The following ZNRF1 variants were observed in gnomAD, a reference collection of about 807,000 sequenced individuals.
ZNRF1 encodes E3 ubiquitin-protein ligase ZNRF1.
Under a neutral mutation model 18.4 loss-of-function variants are expected in ZNRF1, and 3 were observed. The observed-to-expected ratio is 0.16, with a 90% CI of 0.07 to 0.42. ZNRF1 has a LOEUF of 0.42. Among genes scored for constraint, ZNRF1 ranks in the 10% least tolerant of loss-of-function variants. The pLI, the probability that ZNRF1 is intolerant of heterozygous loss-of-function variation, is 0.99. For missense variants in ZNRF1, 310 were observed against 329.8 expected, an observed-to-expected ratio of 0.94 and a Z score of 0.47; for synonymous variants, 157 against 144.2, an observed-to-expected ratio of 1.09 and a Z score of -0.64.
intron 1 of ZNRF1, among the ~76,000 whole-genome samples, chr16:75,049,554 T>G (rs2035562703): frequency 6.6e-6 from 1 of 152,062 alleles, no homozygotes; most frequent in Non-Finnish European, 1.5e-5. Flanking sequence ...CCTAACACTT[T>G]GGGAGGCTGA....
chr16:75,010,920 G>A lies in ZNRF1; in HGVS notation c.424+10825G>A, dbSNP rs1288890412. On this transcript the variant is annotated intron_variant, in intron 1 of 4. Coordinates refer to ENST00000335325, the MANE Select transcript of ZNRF1 (RefSeq NM_032268.5). ...AGATGGGGTTTCGCCAATTGGCCAG[G>A]CTGGTCTTGAACTCCTGACCTCAAG... is the stretch of plus-strand genomic sequence containing the variant. Among the ~76,000 whole-genome samples, 3 of 152,108 alleles carry A rather than the reference G, an allele frequency of 2.0e-5. No homozygotes were observed. The East Asian group carries it at 5.8e-4, about 30-fold the overall frequency.
intron 1 of ZNRF1, among the ~76,000 whole-genome samples, chr16:75,044,360 A>G (rs947214315): frequency 2.6e-5 from 4 of 151,212 alleles, no homozygotes; most frequent in African/African-American, 7.3e-5. Context: ...CTAGGACTAT[A>G]GGCATACAGG....
chr16:75,032,102 AG>A (rs1163628910), intron 1 of ZNRF1, among the ~76,000 whole-genome samples: 1 of 118,770 alleles, frequency 8.4e-6, no homozygotes, highest in African/African-American at 3.5e-5. Context: ...TTTTCTTGTG[AG>A]GTTTTTTTTT....
chr16:75,059,229 C>CTTTTTTTTTTTTTTCTTTTTTTTTT (rs2035709085), intron 1 of ZNRF1, among the ~76,000 whole-genome samples: 10 of 92,882 alleles, frequency 1.1e-4, no homozygotes, highest in Non-Finnish European at 1.6e-4. Flanking sequence ...TTCTTTCTTT[C>CTTTTTTTTTTTTTTCTTTTTTTTTT]TTTTTTTTTT....
intron 1 of ZNRF1, among the ~76,000 whole-genome samples, chr16:75,028,094 T>G (rs1399600348): frequency 6.6e-6 from 1 of 152,138 alleles, no homozygotes; most frequent in African/African-American, 2.4e-5. Context: ...GCAAACAAAA[T>G]TTCATTCCCA....
chr16:75,061,260 A>G (rs2035740324), intron 1 of ZNRF1, among the ~76,000 whole-genome samples: 1 of 151,934 alleles, frequency 6.6e-6, no homozygotes, highest in South Asian at 2.1e-4. Flanking sequence ...CATTTTTTCT[A>G]TTATTTTGCA....
chr16:75,033,418 T>G (rs1194102263), intron 1 of ZNRF1, among the ~76,000 whole-genome samples: 1 of 150,360 alleles, frequency 6.7e-6, no homozygotes. Flanking sequence ...TATTTAATTT[T>G]TCTCATCAGT....
At chr16:75,000,423 C>T (rs1342427644) in intron 1 of ZNRF1, 1 of 514,840 alleles carries the variant, frequency 1.9e-6, no homozygotes, top group Admixed American at 2.4e-5. Flanking sequence ...AGCCTGGGTA[C>T]TTCCATTCTG....
At chr16:75,094,126 C>T (rs1420538270) in intron 2 of ZNRF1, among the ~76,000 whole-genome samples, 4 of 152,162 alleles carry the variant, frequency 2.6e-5, no homozygotes, top group Non-Finnish European at 4.4e-5. Context: ...GGAAGCTGGT[C>T]GTCTCCTTGT....
chr16:75,085,515 G>A (rs185110106), intron 1 of ZNRF1, among the ~76,000 whole-genome samples: 46 of 152,248 alleles, frequency 3.0e-4, no homozygotes, highest in Non-Finnish European at 2.5e-4. Flanking sequence ...CTATTTGTAG[G>A]TATATGTTGA....
At chr16:75,100,932 C>T (rs1225027252) in intron 2 of ZNRF1, among the ~76,000 whole-genome samples, 4 of 152,130 alleles carry the variant, frequency 2.6e-5, no homozygotes, top group Non-Finnish European at 4.4e-5. Flanking sequence ...AAACACACAG[C>T]AAAGTTTTTA....
chr16:75,087,701 C>CA (rs2036090125), intron 1 of ZNRF1, among the ~76,000 whole-genome samples: 1 of 152,220 alleles, frequency 6.6e-6, no homozygotes, highest in African/African-American at 2.4e-5. Context: ...AACATACTGG[C>CA]AGAAAAGGAC....
intron 1 of ZNRF1, among the ~76,000 whole-genome samples, chr16:75,031,800 C>G (rs986818023): frequency 6.6e-6 from 1 of 152,194 alleles, no homozygotes; most frequent in African/African-American, 2.4e-5. Context: ...CCACACCCGG[C>G]TATATATACC....
At chr16:75,068,920 C>G (rs1389126833) in intron 1 of ZNRF1, among the ~76,000 whole-genome samples, 2 of 151,570 alleles carry the variant, frequency 1.3e-5, no homozygotes, top group Admixed American at 1.3e-4. Flanking sequence ...AAGTTCCTCA[C>G]TCAGTTATTT....
chr16:75,061,084 C>T (rs1353684695), intron 1 of ZNRF1, among the ~76,000 whole-genome samples: 1 of 152,136 alleles, frequency 6.6e-6, no homozygotes, highest in African/African-American at 2.4e-5. Flanking sequence ...TACAGGCATT[C>T]AGTGTGAAAT....
intron 1 of ZNRF1, among the ~76,000 whole-genome samples, chr16:75,038,051 A>C (rs911321399): frequency 1.3e-5 from 2 of 152,180 alleles, no homozygotes; most frequent in East Asian, 3.9e-4. Flanking sequence ...ATTGCATATC[A>C]TTTACCTAGA....
intron 1 of ZNRF1, among the ~76,000 whole-genome samples, chr16:75,015,778 G>A (rs902801696): frequency 6.6e-6 from 1 of 152,096 alleles, no homozygotes; most frequent in Non-Finnish European, 1.5e-5. Flanking sequence ...ATAGACGTGA[G>A]CCACAGCTCC....
chr16:75,070,470 T>C (rs1363937269), intron 1 of ZNRF1, among the ~76,000 whole-genome samples: 2 of 152,224 alleles, frequency 1.3e-5, no homozygotes, highest in Non-Finnish European at 2.9e-5. Flanking sequence ...TTGCCCCCGA[T>C]CCTGCTTTCC....
At chr16:75,056,835 C>G (rs991267713) in intron 1 of ZNRF1, among the ~76,000 whole-genome samples, 1 of 152,054 alleles carries the variant, frequency 6.6e-6, no homozygotes, top group Non-Finnish European at 1.5e-5. Flanking sequence ...TAAGAAGTTA[C>G]CATGTTGGCC....
Sources: allele counts gnomAD v4.1 joint callset (sites outside exome capture counted in the v4.1 genomes callset), GRCh38; gene constraint gnomAD v4.1.1; transcripts MANE v1.5; gene names NCBI Gene and HGNC (gene_info 2026-07-23, HGNC 2026-07-21).